The following HHAT variants were observed in gnomAD, a reference collection of about 807,000 sequenced individuals.
HHAT encodes hedgehog acyltransferase, also known as protein-cysteine N-palmitoyltransferase HHAT.
Under a neutral mutation model 70.8 loss-of-function variants are expected in HHAT, and 47 were observed. The observed-to-expected ratio is 0.66, with a 90% CI of 0.53 to 0.85. The LOEUF (loss-of-function observed/expected upper bound fraction) is 0.85, where lower values mean the gene tolerates loss of function less well. HHAT is among the 40% of genes least tolerant of loss of function. The pLI is 0.00. For missense variants in HHAT, 609 were observed against 604.8 expected (o/e 1.01, Z -0.07); for synonymous variants, 228 against 247.6 (o/e 0.92, Z 0.74).
chr1:210,597,648 C>G (rs1573610987), intron 10 of HHAT, among the ~76,000 whole-genome samples: 1 of 152,098 alleles, frequency 6.6e-6, no homozygotes, highest in East Asian at 1.9e-4. Context: ...TTGGCTATTG[C>G]CAGTGTTCAT....
At position 210,401,099 on chromosome 1, in the gene HHAT, A is replaced by G. The variant is rs962494091; in HGVS notation, c.468+437A>G. Among the ~76,000 whole-genome samples, 42 of 152,278 alleles carry G rather than the reference A, an allele frequency of 2.8e-4. 1 individual carries two copies. The highest frequency in any genetic ancestry group is 9.9e-4 in the African/African-American group (41 of 41,554). ...TAAGTCAGGTCTTTTTCTTCTTCCT[A>G]GTTGATGGAACAGATTTATTTATTC... is the stretch of plus-strand genomic sequence containing the variant. On this transcript the variant is annotated intron_variant, in intron 5 of 11. Coordinates refer to ENST00000261458, the MANE Select transcript of HHAT (RefSeq NM_018194.6).
intron 1 of HHAT, among the ~76,000 whole-genome samples, chr1:210,344,932 CGGCCT>C (rs2086380716): frequency 8.0e-6 from 1 of 124,254 alleles, no homozygotes; most frequent in Non-Finnish European, 1.7e-5. Context: ...CAAGTCATGC[CGGCCT>C]GCACTGCCTC....
intron 11 of HHAT, among the ~76,000 whole-genome samples, chr1:210,642,472 A>G (rs532370829): frequency 3.4e-4 from 52 of 152,334 alleles, no homozygotes; most frequent in African/African-American, 1.2e-3. Context: ...TTGTCTCACA[A>G]GAGTGCATGA....
intron 10 of HHAT, among the ~76,000 whole-genome samples, chr1:210,616,631 GC>G (rs143909137): frequency 1.9e-4 from 29 of 152,328 alleles, no homozygotes; most frequent in African/African-American, 7.0e-4. Flanking sequence ...CACTCAAGAG[GC>G]AAAGATCTTG....
intron 1 of HHAT, among the ~76,000 whole-genome samples, chr1:210,345,287 T>C (rs2086417583): frequency 6.6e-6 from 1 of 151,822 alleles, no homozygotes; most frequent in Non-Finnish European, 1.5e-5. Flanking sequence ...GGGTGGAAAA[T>C]GAATGAATGA....
intron 11 of HHAT, among the ~76,000 whole-genome samples, chr1:210,662,739 C>T (rs542155793): frequency 1.3e-5 from 2 of 152,190 alleles, no homozygotes; most frequent in East Asian, 3.9e-4. Flanking sequence ...CTCCTCCCCA[C>T]TCCCTGCATT....
In HHAT at chr1:210,623,610, C is replaced by T. The variant is rs764798520; in HGVS notation, c.1330C>T (p.Leu444=). The T allele has an allele frequency of 1.2e-5, 20 of 1,613,924 alleles. No individual in the cohort carries two copies. The highest frequency in any genetic ancestry group is 1.6e-5 in the Non-Finnish European group (19 of 1,179,986). ...CACCTCGATGCTGATCCTGTCCAACCTGGTATTTCTTGGGGGCAATGAGGT... is the reference window on the plus strand; with the variant it reads ...CACCTCGATGCTGATCCTGTCCAACTTGGTATTTCTTGGGGGCAATGAGGT... ...CSTSMLILSN[L]VFLGGNEVGK... The change falls in exon 11 of 12, where the codon CTG becomes TTG. Residue 444 remains leucine (L), a synonymous_variant. Coordinates refer to ENST00000261458, the MANE Select transcript of HHAT (RefSeq NM_018194.6).
At chr1:210,396,799 C>T (rs1010890404) in intron 4 of HHAT, among the ~76,000 whole-genome samples, 1 of 152,160 alleles carries the variant, frequency 6.6e-6, no homozygotes, top group Non-Finnish European at 1.5e-5. Flanking sequence ...TTGGATGAAT[C>T]TGCAGGAAAT....
chr1:210,340,241 A>AGGG (rs142468999), intron 1 of HHAT, among the ~76,000 whole-genome samples: 2,734 of 49,118 alleles, frequency 0.056, 94 homozygotes, highest in South Asian at 0.1. Flanking sequence ...ACTCTGTCTC[A>AGGG]GAAAAAAAAA....
At chr1:210,387,687 C>A in intron 4 of HHAT, 106 bp downstream of exon 4, 2 of 778,316 alleles carry the variant, frequency 2.6e-6, no homozygotes, top group Non-Finnish European at 4.2e-6. Context: ...GCACTGGGAG[C>A]CTGGAAAAAA....
chr1:210,657,856 A>G (rs1676778018), intron 11 of HHAT, among the ~76,000 whole-genome samples: 1 of 152,176 alleles, frequency 6.6e-6, no homozygotes, highest in Admixed American at 6.5e-5. Flanking sequence ...ACAAGTGTAG[A>G]GGATGCCTAG....
At chr1:210,329,212 C>A in intron 1 of HHAT, 108 bp downstream of exon 1, 1 of 1,232,628 alleles carries the variant, frequency 8.1e-7, no homozygotes, top group Non-Finnish European at 1.0e-6. Context: ...CCGTTTCCTA[C>A]CCAAGTTCCC....
chr1:210,340,466 C>T (rs1254759625), intron 1 of HHAT, among the ~76,000 whole-genome samples: 1 of 152,054 alleles, frequency 6.6e-6, no homozygotes, highest in East Asian at 1.9e-4. Flanking sequence ...TCTTTAAAGC[C>T]GTTGTCATTT....
chr1:210,644,602 CAAAAAA>C (rs57190952), intron 11 of HHAT, among the ~76,000 whole-genome samples: 51 of 64,038 alleles, frequency 8.0e-4, no homozygotes, highest in African/African-American at 3.0e-3. Flanking sequence ...GACTCCATCT[CAAAAAA>C]AAAAAAAAAA....
intron 11 of HHAT, among the ~76,000 whole-genome samples, chr1:210,652,518 G>A (rs547907243): frequency 2.0e-5 from 3 of 152,308 alleles, no homozygotes; most frequent in South Asian, 4.1e-4. Context: ...CAAGGTGCCC[G>A]GCCATTGTAA....
At chr1:210,570,617 C>A (rs1012262413) in intron 9 of HHAT, among the ~76,000 whole-genome samples, 40 of 152,162 alleles carry the variant, frequency 2.6e-4, no homozygotes, top group African/African-American at 9.7e-4. Context: ...GAAGGATAGG[C>A]ATCAGGCTAA....
intron 8 of HHAT, among the ~76,000 whole-genome samples, chr1:210,472,334 A>G (rs528970643): frequency 9.9e-4 from 151 of 152,340 alleles, no homozygotes; most frequent in Non-Finnish European, 1.8e-3. Flanking sequence ...TGAGGCATAG[A>G]GAAGTGGAGT....
chr1:210,443,368 C>T, intron 7 of HHAT, among the ~76,000 whole-genome samples: 1 of 150,612 alleles, frequency 6.6e-6, no homozygotes, highest in East Asian at 1.9e-4. Context: ...GTAGTTTTTT[C>T]CAATTCTGTG....
At chr1:210,353,336 C>T (rs2087242863) in intron 2 of HHAT, among the ~76,000 whole-genome samples, 1 of 151,778 alleles carries the variant, frequency 6.6e-6, no homozygotes, top group Non-Finnish European at 1.5e-5. Context: ...AAAAGGATGC[C>T]ATATATTTTT....
Sources: allele counts gnomAD v4.1 joint callset (sites outside exome capture counted in the v4.1 genomes callset), GRCh38; gene constraint gnomAD v4.1.1; transcripts MANE v1.5; gene names NCBI Gene and HGNC (gene_info 2026-07-23, HGNC 2026-07-21).